The following GMDS variants were observed in gnomAD, a reference collection of about 807,000 sequenced individuals.
GMDS encodes the protein GDP-mannose 4,6 dehydratase.
In GMDS, 20 loss-of-function variants were observed where a neutral mutation model predicts 49.9. The observed-to-expected ratio is 0.40, with a 90% CI of 0.28 to 0.58. GMDS has a LOEUF of 0.58. Among genes scored for constraint, GMDS ranks in the 20% least tolerant of loss-of-function variants. The probability of loss-of-function intolerance (pLI) is 0.42; values close to 1 mark genes in which losing one functional copy is unlikely to be tolerated. For synonymous variants in GMDS, 177 were observed against 178.6 expected (o/e 0.99, Z 0.07); for missense variants, 362 against 481.4 (o/e 0.75, Z 2.32).
intron 4 of GMDS, among the ~76,000 whole-genome samples, chr6:1,995,087 T>G (rs1766195097): frequency 6.6e-6 from 1 of 151,830 alleles, no homozygotes; most frequent in Admixed American, 6.6e-5. Flanking sequence ...CCTAAAAACC[T>G]GCAAGCCGTA....
intron 4 of GMDS, among the ~76,000 whole-genome samples, chr6:2,029,981 A>G (rs1768849747): frequency 6.6e-6 from 1 of 152,176 alleles, no homozygotes; most frequent in African/African-American, 2.4e-5. Context: ...CAATAAAAAC[A>G]GATAGCATGC....
intron 4 of GMDS, among the ~76,000 whole-genome samples, chr6:2,081,180 A>G (rs1212501032): frequency 6.6e-6 from 1 of 152,228 alleles, no homozygotes; most frequent in African/African-American, 2.4e-5. Context: ...TGAAAAAGAT[A>G]TGGTAAAATC....
At chr6:1,719,898 T>C (rs1039503933) in intron 9 of GMDS, among the ~76,000 whole-genome samples, 2 of 152,222 alleles carry the variant, frequency 1.3e-5, no homozygotes, top group Non-Finnish European at 2.9e-5. Flanking sequence ...TCAATAAGTC[T>C]GCATTATGAT....
chr6:1,707,074 T>C (rs75480393), intron 9 of GMDS, among the ~76,000 whole-genome samples: 2,681 of 152,328 alleles, frequency 0.018, 70 homozygotes, highest in African/African-American at 0.06. Flanking sequence ...AACTGGTAGT[T>C]TGTGGATAAC....
At chr6:1,960,401 G>A (rs1357186177) in intron 5 of GMDS, among the ~76,000 whole-genome samples, 1 of 151,230 alleles carries the variant, frequency 6.6e-6, no homozygotes, top group Admixed American at 6.6e-5. Flanking sequence ...TGAGCTCAAG[G>A]AAATTTCATG....
At chr6:1,739,137 A>T (rs1210884349) in intron 8 of GMDS, among the ~76,000 whole-genome samples, 1 of 152,248 alleles carries the variant, frequency 6.6e-6, no homozygotes, top group African/African-American at 2.4e-5. Flanking sequence ...ATCCTATCAC[A>T]AAGTTTTTTT....
chr6:2,012,657 A>C (rs368107196), intron 4 of GMDS, among the ~76,000 whole-genome samples: 1 of 152,160 alleles, frequency 6.6e-6, no homozygotes, highest in African/African-American at 2.4e-5. Flanking sequence ...AGACAGGTGA[A>C]TATAGAGAAT....
At chr6:1,937,469 C>T (rs903329665) in intron 6 of GMDS, among the ~76,000 whole-genome samples, 2 of 152,216 alleles carry the variant, frequency 1.3e-5, no homozygotes, top group African/African-American at 2.4e-5. Flanking sequence ...TGGGTGGCTT[C>T]GAACAACCAA....
At chr6:1,922,287 C>G (rs937288291) in intron 7 of GMDS, among the ~76,000 whole-genome samples, 17 of 152,208 alleles carry the variant, frequency 1.1e-4, no homozygotes, top group Non-Finnish European at 2.9e-5. Flanking sequence ...GATACAACCT[C>G]ACCGTTGCTT....
chr6:1,655,496 TACAC>T (rs70989195), intron 9 of GMDS, among the ~76,000 whole-genome samples: 10 of 53,538 alleles, frequency 1.9e-4, no homozygotes, highest in African/African-American at 6.3e-4. Context: ...CACACACACA[TACAC>T]ACACACACAC....
Position 1,843,891 on chromosome 6 carries a change from G to C in GMDS, c.771+86212C>G, listed in dbSNP as rs1187437607. 3.3e-5 allele frequency among the ~76,000 whole-genome samples: 5 copies of C among 152,286 alleles called. 1 individual carries two copies. The South Asian group carries it at 8.3e-4, about 25-fold the overall frequency. ...ACCAGGCCCCTCCAAAAGAAGAAAG[G>C]GGAGAACTGAGGCCATAGCGTCTGC... On this transcript the variant is annotated intron_variant, in intron 7 of 10. Coordinates refer to ENST00000380815, the MANE Select transcript of GMDS (RefSeq NM_001500.4).
At chr6:2,055,896 A>G (rs1770749622) in intron 4 of GMDS, among the ~76,000 whole-genome samples, 1 of 152,174 alleles carries the variant, frequency 6.6e-6, no homozygotes, top group Admixed American at 6.5e-5. Flanking sequence ...GGCACAGAGA[A>G]ATGCCCAATA....
intron 1 of GMDS, among the ~76,000 whole-genome samples, chr6:2,138,132 C>T (rs1776100668): frequency 6.6e-6 from 1 of 152,072 alleles, no homozygotes; most frequent in Admixed American, 6.5e-5. Flanking sequence ...TGCCACAAAT[C>T]TGTTATTTTT....
chr6:1,911,553 TA>T (rs34335896), intron 7 of GMDS, among the ~76,000 whole-genome samples: 11,157 of 138,882 alleles, frequency 0.08, 448 homozygotes, highest in South Asian at 0.16. Flanking sequence ...TTTCCCCTAT[TA>T]AAAAAAAAAA....
At chr6:2,102,399 T>A (rs1773977292) in intron 4 of GMDS, among the ~76,000 whole-genome samples, 1 of 152,158 alleles carries the variant, frequency 6.6e-6, no homozygotes, top group Admixed American at 6.5e-5. Flanking sequence ...TGCTGGTTTT[T>A]AAAAAAAGTT....
At chr6:2,206,173 G>A (rs187428687) in intron 1 of GMDS, among the ~76,000 whole-genome samples, 3 of 152,120 alleles carry the variant, frequency 2.0e-5, no homozygotes, top group African/African-American at 7.2e-5. Flanking sequence ...CAGGAGAATC[G>A]CTTGAACCCG....
chr6:1,811,573 T>C (rs1050839651), intron 7 of GMDS, among the ~76,000 whole-genome samples: 4 of 150,144 alleles, frequency 2.7e-5, no homozygotes, highest in African/African-American at 7.4e-5. Context: ...TTTTTTTTTT[T>C]CAACTGAAGC....
chr6:1,832,522 C>G (rs1756709019), intron 7 of GMDS, among the ~76,000 whole-genome samples: 1 of 152,022 alleles, frequency 6.6e-6, no homozygotes, highest in African/African-American at 2.4e-5. Flanking sequence ...CACTGACAGC[C>G]AGTCACAGCA....
chr6:2,205,665 C>A (rs1779772739), intron 1 of GMDS, among the ~76,000 whole-genome samples: 1 of 152,192 alleles, frequency 6.6e-6, no homozygotes, highest in Non-Finnish European at 1.5e-5. Context: ...CAAAGAAGTT[C>A]TTATGCTGGA....
Sources: gnomAD v4.1 joint callset for allele counts (sites outside exome capture counted in the v4.1 genomes callset) on GRCh38, gnomAD v4.1.1 for gene constraint, MANE v1.5 for transcripts, NCBI Gene and HGNC (gene_info 2026-07-23, HGNC 2026-07-21) for gene names.